The following DISP1 variants were observed in gnomAD, a reference collection of about 807,000 sequenced individuals.
The protein encoded by DISP1 is protein dispatched homolog 1.
In DISP1, 30 loss-of-function variants were observed where a neutral mutation model predicts 37.3. The ratio of observed to expected loss-of-function variants is 0.80; its 90% confidence interval spans 0.60 to 1.09. The LOEUF (loss-of-function observed/expected upper bound fraction) is 1.09, where lower values mean the gene tolerates loss of function less well. DISP1 is among the 50% of genes least tolerant of loss of function. The probability of loss-of-function intolerance (pLI) is 0.00; values close to 1 mark genes in which losing one functional copy is unlikely to be tolerated. For missense variants in DISP1, 1,598 were observed against 1,879.5 expected (o/e 0.85, Z 2.77); for synonymous variants, 634 against 690.2 (o/e 0.92, Z 1.28).
Position 222,943,214 on chromosome 1 carries a change from C to T in DISP1, c.391C>T (p.His131Tyr), listed in dbSNP as rs764268729. 1.6e-5 allele frequency: 26 copies of T among 1,610,204 alleles called. No homozygotes were observed. The highest frequency in any genetic ancestry group is 2.2e-5 in the East Asian group (1 of 44,796). ...SEYSASLCPN[H>Y]SPVYQTTCCL... The stretch of plus-strand genomic sequence containing the variant: ...GTATTCTGCATCTCTTTGTCCAAAT[C>T]ATTCACCTGTGTATCAGACTACGTG... The change falls in exon 3 of 9, where the codon CAT (histidine) becomes TAT (tyrosine). Residue 131 changes from histidine to tyrosine, a missense_variant. Physicochemically the swap from His to Tyr is moderately conservative, Grantham distance 83 (BLOSUM62 2). Transcript: ENST00000675850.
rs771684471 is a variant in DISP1, at chr1:223,004,318, A to G, written c.2921A>G (p.Tyr974Cys). Residue 974 changes from tyrosine to cysteine, a missense_variant, in exon 9 of 9, where the codon TAT becomes TGT. By Grantham distance (194) the Tyr-to-Cys change is radical (BLOSUM62 -2). Transcript: ENST00000675850. The surrounding 1 kb of genome is among the most constrained non-coding windows in gnomAD (Gnocchi z 4.9). ...TGGTTTGTCAGCAATCTGGAGTTCT[A>G]TGACCTCCAGGATAGCCTCTCCGAT... ...NGWFVSNLEF[Y>C]DLQDSLSDGT... The G allele has an allele frequency of 1.2e-5, 20 of 1,614,042 alleles. No homozygotes were observed. The highest frequency in any genetic ancestry group is 6.6e-5 in the South Asian group (6 of 91,084).
chr1:222,984,090 A>T (rs1348397225), intron 4 of DISP1, among the ~76,000 whole-genome samples: 1 of 151,854 alleles, frequency 6.6e-6, no homozygotes, highest in Non-Finnish European at 1.5e-5. Flanking sequence ...AAAAAAAAAT[A>T]TATTTTTAAA....
At chr1:222,921,295 T>C (rs972515784) in intron 1 of DISP1, among the ~76,000 whole-genome samples, 6 of 152,032 alleles carry the variant, frequency 3.9e-5, no homozygotes, top group Admixed American at 3.9e-4. Flanking sequence ...GGCTAAAGAG[T>C]GAGACTCCAT....
chr1:222,922,751 G>T (rs959177645), intron 1 of DISP1, among the ~76,000 whole-genome samples: 1 of 152,006 alleles, frequency 6.6e-6, no homozygotes, highest in African/African-American at 2.4e-5. Context: ...AATATAGGCA[G>T]GAGACATAAA....
At chr1:222,963,285 G>A (rs184952094) in intron 3 of DISP1, among the ~76,000 whole-genome samples, 79 of 152,310 alleles carry the variant, frequency 5.2e-4, no homozygotes, top group African/African-American at 1.7e-3. Context: ...AGATGCTGGC[G>A]AGGCTGTGGA....
chr1:222,942,962 A>G lies in DISP1; in HGVS notation c.139A>G (p.Arg47Gly), dbSNP rs1572574832. ...GCAGCTCACACCCAAAGAAGCAACA[A>G]GAACAAAAGTGAGTCCAAATGGATG... ...AQQLTPKEAT[R>G]TKVSPNGCLQ... The change falls in exon 3 of 9, where the codon AGA becomes GGA. Residue 47 changes from arginine to glycine, a missense_variant. By Grantham distance (125) the Arg-to-Gly change is moderately radical (BLOSUM62 -2). Coordinates refer to ENST00000675850, the MANE Select transcript of DISP1 (RefSeq NM_001377229.1). The G allele has an allele frequency of 6.2e-7, 1 of 1,614,176 alleles. No homozygotes were observed. The highest frequency in any genetic ancestry group is 8.5e-7 in the Non-Finnish European group (1 of 1,180,024).
chr1:222,996,445 T>A (rs1035699866), intron 8 of DISP1, among the ~76,000 whole-genome samples: 3 of 152,194 alleles, frequency 2.0e-5, no homozygotes, highest in African/African-American at 7.2e-5. Context: ...CTGGTTACTT[T>A]ATAATCTCAC....
intron 1 of DISP1, among the ~76,000 whole-genome samples, chr1:222,925,926 A>G (rs1356600086): frequency 3.9e-5 from 6 of 152,216 alleles, no homozygotes; most frequent in Admixed American, 3.3e-4. Context: ...AAATTGGGAT[A>G]TAAGTCACAT....
chr1:222,984,456 A>AGC (rs1383972907), intron 4 of DISP1, among the ~76,000 whole-genome samples: 11 of 142,962 alleles, frequency 7.7e-5, no homozygotes, highest in East Asian at 2.0e-4. Context: ...AGAGAGAGAG[A>AGC]GAGCGTACTC....
rs1679868101 is a variant in DISP1 at position 223,005,773 on chromosome 1, A to T, written c.4376A>T (p.Glu1459Val). Reference protein sequence around the residue: ...SVNSEHFNQNEPKVLFNHLMG... With the variant: ...SVNSEHFNQNVPKVLFNHLMG... ...AACTCAGAACATTTCAATCAGAATG[A>T]ACCAAAAGTCCTATTTAATCATTTA... Residue 1459 changes from glutamate to valine, a missense_variant, in exon 9 of 9, where the codon GAA (glutamate) becomes GTA (valine). By Grantham distance (121) the Glu-to-Val change is moderately radical. Transcript: ENST00000675850. 18 of 1,614,240 alleles carry T rather than the reference A, an allele frequency of 1.1e-5. No homozygotes were observed. The highest frequency in any genetic ancestry group is 1.4e-5 in the Non-Finnish European group (17 of 1,180,052).
In DISP1 at chr1:222,860,925, G is replaced by T. The variant is rs555189226; in HGVS notation, c.-159+45847G>T. Among the ~76,000 whole-genome samples, 5 of 152,096 alleles carry T rather than the reference G, an allele frequency of 3.3e-5. No individual in the cohort carries two copies. The South Asian group carries it at 1.0e-3, about 32-fold the overall frequency. Reference sequence around the variant, plus strand: ...AGAAAGTGATTGCTAGAAAAAAGTGGGGCAGGGGACCACTTTCTATCCCCA... The same window carrying T: ...AGAAAGTGATTGCTAGAAAAAAGTGTGGCAGGGGACCACTTTCTATCCCCA... On this transcript the variant is annotated intron_variant, in intron 1 of 8. Coordinates refer to ENST00000675850, the MANE Select transcript of DISP1 (RefSeq NM_001377229.1).
At chr1:222,886,325 C>T (rs1404924356) in intron 1 of DISP1, among the ~76,000 whole-genome samples, 1 of 152,180 alleles carries the variant, frequency 6.6e-6, no homozygotes, top group African/African-American at 2.4e-5. Context: ...GAGCAGCTAC[C>T]ACACCTGTTA....
intron 2 of DISP1, among the ~76,000 whole-genome samples, chr1:222,937,667 G>T (rs916155731): frequency 6.6e-6 from 1 of 152,058 alleles, no homozygotes; most frequent in African/African-American, 2.4e-5. Context: ...ATGTAAAATA[G>T]GGGATATGAG....
At chr1:222,842,621 A>T (rs1667675965) in intron 1 of DISP1, among the ~76,000 whole-genome samples, 1 of 152,126 alleles carries the variant, frequency 6.6e-6, no homozygotes, top group African/African-American at 2.4e-5. Context: ...TTATAATCAT[A>T]AACTGAGGAA....
At chr1:222,837,553 C>G (rs1427557911) in intron 1 of DISP1, among the ~76,000 whole-genome samples, 1 of 152,136 alleles carries the variant, frequency 6.6e-6, no homozygotes, top group Non-Finnish European at 1.5e-5. Flanking sequence ...CACTTTCCAT[C>G]TATTGTGGGT....
At chr1:222,933,249 G>A (rs1673514285) in intron 2 of DISP1, among the ~76,000 whole-genome samples, 1 of 151,864 alleles carries the variant, frequency 6.6e-6, no homozygotes, top group African/African-American at 2.4e-5. Context: ...GTATCATTAA[G>A]TTGTTTGTGA....
intron 1 of DISP1, among the ~76,000 whole-genome samples, chr1:222,839,864 C>T (rs536034865): frequency 7.9e-5 from 12 of 151,536 alleles, no homozygotes; most frequent in Non-Finnish European, 1.0e-4. Flanking sequence ...ACCCAGGAGG[C>T]GGAGGTTGCA....
intron 4 of DISP1, 130 bp from the exon 5 acceptor site, chr1:222,990,495 A>G: frequency 7.5e-7 from 1 of 1,327,934 alleles, no homozygotes. Context: ...TATGTAGTCT[A>G]CAATATGAGG....
At chr1:222,962,573 A>G (rs570972629) in intron 3 of DISP1, among the ~76,000 whole-genome samples, 4 of 152,358 alleles carry the variant, frequency 2.6e-5, no homozygotes, top group African/African-American at 9.6e-5. Flanking sequence ...TACTGGTACC[A>G]AAACAGACAT....
Sources: gnomAD v4.1 joint callset for allele counts (sites outside exome capture counted in the v4.1 genomes callset) on GRCh38, gnomAD v4.1.1 for gene constraint, Gnocchi (gnomAD v3.1) non-coding constraint, MANE v1.5 for transcripts, NCBI Gene and HGNC (gene_info 2026-07-23, HGNC 2026-07-21) for gene names.